The following GREB1L variants were observed in gnomAD, a reference collection of about 807,000 sequenced individuals.
GREB1L encodes the protein GREB1-like protein.
GREB1L carries 17 observed loss-of-function variants against 200.8 expected under a neutral mutation model. The ratio of observed to expected loss-of-function variants is 0.08; its 90% CI spans 0.06 to 0.13. GREB1L has a LOEUF of 0.13. Among genes scored for constraint, GREB1L ranks in the 10% least tolerant of loss-of-function variants. The pLI is 1.00. For missense variants in GREB1L, 1,657 were observed against 2,367.7 expected (o/e 0.70, Z 6.23); for synonymous variants, 789 against 893.0 (o/e 0.88, Z 2.08).
intron 1 of GREB1L, among the ~76,000 whole-genome samples, chr18:21,310,592 C>T (rs551714362): frequency 2.6e-5 from 4 of 152,108 alleles, no homozygotes; most frequent in Non-Finnish European, 5.9e-5. Flanking sequence ...AAGATAAATT[C>T]CATCTTAATG....
At chr18:21,451,935 T>C (rs886944228) in intron 13 of GREB1L, 148 bp from the exon 14 acceptor site, 3 of 665,252 alleles carry the variant, frequency 4.5e-6, no homozygotes, top group Non-Finnish European at 7.7e-6. Context: ...CAGTATACTA[T>C]AAAGATGGCC....
intron 28 of GREB1L, among the ~76,000 whole-genome samples, chr18:21,514,621 A>G (rs901674681): frequency 3.9e-5 from 6 of 152,220 alleles, no homozygotes; most frequent in Non-Finnish European, 8.8e-5. Context: ...TTTTTTGTTT[A>G]TAATTTTTTG....
chr18:21,266,698 T>C (rs2037974341), intron 1 of GREB1L, among the ~76,000 whole-genome samples: 1 of 152,216 alleles, frequency 6.6e-6, no homozygotes, highest in Non-Finnish European at 1.5e-5. Context: ...CAAATTACAA[T>C]AAAATGTTCT....
At chr18:21,274,573 G>A (rs2038131257) in intron 1 of GREB1L, among the ~76,000 whole-genome samples, 1 of 152,034 alleles carries the variant, frequency 6.6e-6, no homozygotes, top group South Asian at 2.1e-4. Context: ...ACCATGCCCG[G>A]CAAATTTATT....
intron 1 of GREB1L, among the ~76,000 whole-genome samples, chr18:21,284,422 T>G (rs1650151112): frequency 6.6e-6 from 1 of 152,160 alleles, no homozygotes; most frequent in Non-Finnish European, 1.5e-5. Context: ...ACAGATGGAA[T>G]TATATAATTG....
chr18:21,274,910 T>A (rs939819616), intron 1 of GREB1L, among the ~76,000 whole-genome samples: 4 of 151,372 alleles, frequency 2.6e-5, no homozygotes, highest in African/African-American at 4.9e-5. Context: ...ATAATTAATT[T>A]AAAAAATTTT....
intron 1 of GREB1L, among the ~76,000 whole-genome samples, chr18:21,345,526 A>C (rs2039332090): frequency 6.6e-6 from 1 of 152,172 alleles, no homozygotes; most frequent in Non-Finnish European, 1.5e-5. Context: ...ACCTTGAGCC[A>C]ACTATTAAAC....
At chr18:21,331,148 G>A (rs780852803) in intron 1 of GREB1L, among the ~76,000 whole-genome samples, 6 of 152,124 alleles carry the variant, frequency 3.9e-5, no homozygotes, top group Non-Finnish European at 5.9e-5. Flanking sequence ...GGTTGAATTG[G>A]TGACTATTAT....
At chr18:21,380,399 G>A (rs78300232) in intron 2 of GREB1L, 4,971 of 152,178 alleles carry the variant, frequency 0.033, 138 homozygotes, top group Middle Eastern at 0.044. Flanking sequence ...TTCTCAACCA[G>A]TCCTCCAGGG....
At chr18:21,438,371 A>G (rs1462474158) in intron 7 of GREB1L, among the ~76,000 whole-genome samples, 3 of 151,896 alleles carry the variant, frequency 2.0e-5, no homozygotes, top group Non-Finnish European at 4.4e-5. Flanking sequence ...TCTTTTAGAA[A>G]CTCATACATA....
intron 1 of GREB1L, among the ~76,000 whole-genome samples, chr18:21,267,027 G>T (rs1481448852): frequency 1.3e-5 from 2 of 151,962 alleles, no homozygotes; most frequent in African/African-American, 2.4e-5. Context: ...TCTACTTCCT[G>T]GGTTTAAGCG....
At chr18:21,519,093 TTA>T (rs1185170664) in intron 31 of GREB1L, among the ~76,000 whole-genome samples, 3 of 152,170 alleles carry the variant, frequency 2.0e-5, no homozygotes, top group Non-Finnish European at 2.9e-5. Flanking sequence ...ATTCCCATTT[TTA>T]TGTTTCAGTA....
At chr18:21,478,203 T>TCATCCA (rs2035784468) in intron 17 of GREB1L, among the ~76,000 whole-genome samples, 2 of 152,188 alleles carry the variant, frequency 1.3e-5, no homozygotes, top group Non-Finnish European at 2.9e-5. Context: ...CACTGTTACT[T>TCATCCA]TAGATAACTC....
intron 1 of GREB1L, among the ~76,000 whole-genome samples, chr18:21,334,898 TAA>T (rs1239605033): frequency 6.6e-6 from 1 of 152,218 alleles, no homozygotes; most frequent in Non-Finnish European, 1.5e-5. Flanking sequence ...CATTTGAAGA[TAA>T]AAGTTTACTA....
At chr18:21,370,986 T>C (rs1444637128) in intron 2 of GREB1L, among the ~76,000 whole-genome samples, 1 of 151,828 alleles carries the variant, frequency 6.6e-6, no homozygotes, top group Non-Finnish European at 1.5e-5. Flanking sequence ...GGCTGAGGCA[T>C]GATGCAGGAG....
intron 1 of GREB1L, among the ~76,000 whole-genome samples, chr18:21,282,709 CCT>C (rs2038290267): frequency 6.6e-6 from 1 of 152,086 alleles, no homozygotes; most frequent in African/African-American, 2.4e-5. Context: ...AAGTGATTCT[CCT>C]GCCTCAGCCT....
intron 1 of GREB1L, among the ~76,000 whole-genome samples, chr18:21,285,988 G>A (rs1285155087): frequency 3.3e-5 from 5 of 152,180 alleles, no homozygotes; most frequent in Non-Finnish European, 7.3e-5. Context: ...AATGGTCTGT[G>A]ATGAAGACCA....
At chr18:21,346,627 C>T (rs1251135652) in intron 1 of GREB1L, among the ~76,000 whole-genome samples, 1 of 152,148 alleles carries the variant, frequency 6.6e-6, no homozygotes, top group Non-Finnish European at 1.5e-5. Flanking sequence ...ACAGCCCTTT[C>T]TCCTGTCCTA....
intron 7 of GREB1L, among the ~76,000 whole-genome samples, chr18:21,410,698 A>C (rs1212956333): frequency 2.0e-5 from 3 of 151,404 alleles, no homozygotes; most frequent in South Asian, 2.1e-4. Flanking sequence ...ACTACATTAA[A>C]ATTATAACTT....
Sources: gnomAD v4.1 joint callset for allele counts (sites outside exome capture counted in the v4.1 genomes callset) on GRCh38, gnomAD v4.1.1 for gene constraint, MANE v1.5 for transcripts, NCBI Gene and HGNC (gene_info 2026-07-23, HGNC 2026-07-21) for gene names.